The following CDKL5 variants were observed in gnomAD, a reference collection of about 807,000 sequenced individuals.
CDKL5 encodes the protein cyclin dependent kinase like 5, also known as cyclin-dependent kinase-like 5.
In CDKL5, 8 loss-of-function variants were observed where a neutral mutation model predicts 61.7. The ratio of observed to expected loss-of-function variants is 0.13; its 90% CI spans 0.08 to 0.23. CDKL5 has a LOEUF of 0.23. Ranked by LOEUF, CDKL5 falls within the 10% of genes least tolerant of loss-of-function variation. CDKL5 has a pLI of 1.00. For missense variants in CDKL5, 440 were observed against 734.5 expected (o/e 0.60, Z 4.63); for synonymous variants, 275 against 272.3 (o/e 1.01, Z -0.10).
At chrX:18,621,920 G>A (rs1926900782) in intron 16 of CDKL5, among the ~76,000 whole-genome samples, 1 of 112,087 alleles carries the variant, frequency 8.9e-6, no homozygotes, top group African/African-American at 3.2e-5. Context: ...TATCATGAGC[G>A]TTAAACTTTG....
chrX:18,642,050 A>C (rs757697856), downstream of CDKL5: 9 of 1,211,504 alleles, frequency 7.4e-6, no homozygotes, highest in Admixed American at 2.0e-4. Flanking sequence ...CCGGATGGCA[A>C]TGCGGACGTG....
At position 18,630,829 on chromosome X, in the gene CDKL5, C is replaced by T. The variant is rs777592520; in HGVS notation, c.*2072C>T. On this transcript the variant is annotated 3_prime_UTR_variant, in exon 18 of 18. Coordinates refer to ENST00000623535, the MANE Select transcript of CDKL5 (RefSeq NM_001323289.2). ...CCAGTTCAGTACTGTTTGGGTAGCT[C>T]TGAATTCTGGCTTTTCCAGGCAGCT... 3 of 751,827 alleles carry T rather than the reference C, an allele frequency of 4.0e-6. No homozygotes were observed. Among genetic ancestry groups the T allele is most frequent in the Non-Finnish European group, 4.7e-6 (3 of 638,815 alleles). The allele number at this position is 751,827 out of a possible 1,213,427, so 62.0% of individuals were successfully genotyped here.
intron 1 of CDKL5, among the ~76,000 whole-genome samples, chrX:18,496,571 C>T (rs1238603072): frequency 1.8e-5 from 2 of 111,294 alleles, no homozygotes; most frequent in Non-Finnish European, 3.8e-5. Context: ...GGCTTGGCTG[C>T]ACTATGGAGA....
intron 20 of CDKL5, among the ~76,000 whole-genome samples, chrX:18,649,852 G>C (rs749130023): frequency 8.9e-6 from 1 of 112,206 alleles, no homozygotes; most frequent in Non-Finnish European, 1.9e-5. Context: ...CGAGCGATCA[G>C]GGGGAGGGGC....
chrX:18,575,487 A>C lies in CDKL5; in HGVS notation c.279A>C (p.Glu93Asp). Residue 93 changes from glutamate to aspartate, a missense_variant, in exon 5 of 18, where the codon GAA becomes GAC. Physicochemically the swap from Glu to Asp is conservative, Grantham distance 45. Transcript: ENST00000623535. ...GKLYLVFEYV[E>D]KNMLELLEEM... Reference sequence around the variant, plus strand: ...TGTACTTGGTGTTTGAGTATGTTGAAAAAGTAAGTCATTAATTGCCAATGT... The same window carrying C: ...TGTACTTGGTGTTTGAGTATGTTGACAAAGTAAGTCATTAATTGCCAATGT... 1 of 1,207,612 alleles carries C rather than the reference A, an allele frequency of 8.3e-7. No individual in the cohort carries two copies. Among genetic ancestry groups the C allele is most frequent in the Non-Finnish European group, 1.1e-6 (1 of 891,820 alleles).
intron 5 of CDKL5, among the ~76,000 whole-genome samples, chrX:18,577,043 C>G (rs745899645): frequency 2.4e-4 from 27 of 110,667 alleles, no homozygotes; most frequent in Middle Eastern, 4.7e-3. Flanking sequence ...ACTACAGGTG[C>G]GCGCCACCAT....
chrX:18,585,918 AT>A (rs1257645878), intron 8 of CDKL5, among the ~76,000 whole-genome samples: 1 of 110,979 alleles, frequency 9.0e-6, no homozygotes, highest in Admixed American at 9.6e-5. Flanking sequence ...AAGTTTCTGG[AT>A]TTTTTTTCTG....
intron 5 of CDKL5, among the ~76,000 whole-genome samples, chrX:18,578,339 C>G (rs1925366595): frequency 8.9e-6 from 1 of 111,911 alleles, no homozygotes; most frequent in South Asian, 3.7e-4. Flanking sequence ...ATTAAAATAA[C>G]AAGTGCATCT....
rs1041473505 is a variant in CDKL5 at position 18,633,128 on chromosome X, A to G, written c.*4371A>G. 1 of 752,350 alleles carries G rather than the reference A, an allele frequency of 1.3e-6. No individual in the cohort carries two copies. The highest frequency in any genetic ancestry group is 1.6e-6 in the Non-Finnish European group (1 of 639,119). 62.0% of individuals were successfully genotyped at this position (752,350 alleles called of 1,213,427 possible). On this transcript the variant is annotated 3_prime_UTR_variant, in exon 18 of 18. Coordinates refer to ENST00000623535, the MANE Select transcript of CDKL5 (RefSeq NM_001323289.2). ...GGTCAGAACATGTTTCCTGGAGAGCATTGCTTTTCTATCTAGAAGTTCGTT... is the reference window on the plus strand; with the variant it reads ...GGTCAGAACATGTTTCCTGGAGAGCGTTGCTTTTCTATCTAGAAGTTCGTT...
In CDKL5 at chrX:18,626,288, C is replaced by T. The variant is rs771215511; in HGVS notation, c.2496+1041C>T. ...TTTGCCATGTTGCCCAGGCTGGTCT[C>T]GAACTCCTGGGCTCAAGCAAGCCAC... On this transcript the variant is annotated intron_variant, in intron 17 of 17. Transcript: ENST00000623535. Among the ~76,000 whole-genome samples, 99 of 110,294 alleles carry T rather than the reference C, an allele frequency of 9.0e-4. 1 individual carries two copies. The highest frequency in any genetic ancestry group is 7.8e-3 in the Admixed American group (80 of 10,322).
intron 16 of CDKL5, among the ~76,000 whole-genome samples, chrX:18,624,572 G>T (rs763019762): frequency 2.1e-4 from 24 of 112,054 alleles, no homozygotes; most frequent in Non-Finnish European, 4.3e-4. Context: ...TTGTGGCACA[G>T]ATTTCCAGCA....
intron 10 of CDKL5, among the ~76,000 whole-genome samples, chrX:18,597,858 A>C (rs1456179802): frequency 9.0e-6 from 1 of 110,968 alleles, no homozygotes; most frequent in Non-Finnish European, 1.9e-5. Context: ...GGCCTCCCAA[A>C]GTGCTGGGAT....
intron 21 of CDKL5, among the ~76,000 whole-genome samples, chrX:18,653,118 A>G (rs189575860): frequency 8.9e-6 from 1 of 112,515 alleles, no homozygotes; most frequent in East Asian, 2.8e-4. Flanking sequence ...TTTCTGGAAG[A>G]ATGGATCATA....
intron 3 of CDKL5, among the ~76,000 whole-genome samples, chrX:18,516,448 G>A (rs1036757480): frequency 9.0e-6 from 1 of 110,975 alleles, no homozygotes; most frequent in African/African-American, 3.3e-5. Flanking sequence ...TGCCTGGAAC[G>A]CTGAAATAGT....
intron 1 of CDKL5, among the ~76,000 whole-genome samples, chrX:18,462,717 T>C (rs1932316834): frequency 9.0e-6 from 1 of 111,448 alleles, no homozygotes; most frequent in South Asian, 3.8e-4. Flanking sequence ...TTTTGTAAGA[T>C]GAATTAAAAC....
At chrX:18,469,338 CAAAAAAA>C (rs34096001) in intron 1 of CDKL5, among the ~76,000 whole-genome samples, 2 of 15,670 alleles carry the variant, frequency 1.3e-4, no homozygotes, top group African/African-American at 2.8e-4. Flanking sequence ...GACTCTGTCT[CAAAAAAA>C]AAAAAAAAAA....
chrX:18,561,080 A>G (rs1254965602), intron 3 of CDKL5, among the ~76,000 whole-genome samples: 1 of 111,373 alleles, frequency 9.0e-6, no homozygotes, highest in African/African-American at 3.3e-5. Flanking sequence ...TAGTATATAG[A>G]TTTTGTTACA....
intron 9 of CDKL5, chrX:18,589,430 G>C (rs948128328): frequency 1.8e-5 from 2 of 110,611 alleles, no homozygotes; most frequent in Non-Finnish European, 3.8e-5. Flanking sequence ...TGAGAATGAT[G>C]GTTTCCAGCT....
Position 18,478,836 on chromosome X carries a change from G to A in CDKL5, c.-162-28099G>A, listed in dbSNP as rs375377890. Among the ~76,000 whole-genome samples the A allele has an allele frequency of 4.6e-5, 5 of 108,760 alleles. No homozygotes were observed. In the East Asian group the frequency reaches 8.7e-4, roughly 19 times the overall value. The allele number at this position is 108,760 out of a possible 115,157, so 94.4% of individuals were successfully genotyped here. ...AGTGATTCTCCTGCCTCAGCCTCCC[G>A]AGTAGAGTAGCTGGGGCTACAGGTG... is the stretch of plus-strand genomic sequence containing the variant. On this transcript the variant is annotated intron_variant, in intron 1 of 17. Transcript: ENST00000623535.
Sources: gnomAD v4.1 joint callset for allele counts (sites outside exome capture counted in the v4.1 genomes callset) on GRCh38, gnomAD v4.1.1 for gene constraint, MANE v1.5 for transcripts, NCBI Gene and HGNC (gene_info 2026-07-23, HGNC 2026-07-21) for gene names.